Variants in PRKCA observed in about 807,000 individuals in gnomAD.
The protein encoded by PRKCA is protein kinase C alpha type.
PRKCA carries 27 observed loss-of-function variants against 87.0 expected under a neutral mutation model. That is an observed-to-expected ratio of 0.31 (90% CI 0.23 to 0.43). The LOEUF is 0.43. Ranked by LOEUF, PRKCA falls within the 20% of genes least tolerant of loss-of-function variation. PRKCA has a pLI of 1.00. For missense variants in PRKCA, 518 were observed against 852.3 expected (o/e 0.61, Z 4.88); for synonymous variants, 329 against 311.1 (o/e 1.06, Z -0.61).
chr17:66,749,601 C>A (rs1974384877), intron 13 of PRKCA, among the ~76,000 whole-genome samples: 1 of 152,192 alleles, frequency 6.6e-6, no homozygotes, highest in African/African-American at 2.4e-5. Context: ...CACCAAGCTC[C>A]ACCACGGGCA....
chr17:66,374,837 C>T (rs1209772943), intron 2 of PRKCA, among the ~76,000 whole-genome samples: 4 of 149,304 alleles, frequency 2.7e-5, no homozygotes, highest in Admixed American at 2.0e-4. Flanking sequence ...AAGCAGTTCT[C>T]ATGTGTCAGT....
chr17:66,560,489 C>T (rs747413360), intron 3 of PRKCA, among the ~76,000 whole-genome samples: 24 of 152,000 alleles, frequency 1.6e-4, no homozygotes, highest in African/African-American at 2.7e-4. Context: ...GGGGTTATTC[C>T]GAGTTGCGAA....
chr17:66,356,107 C>T (rs1908030877), intron 2 of PRKCA, among the ~76,000 whole-genome samples: 2 of 152,006 alleles, frequency 1.3e-5, no homozygotes. Context: ...CCATGTTGGC[C>T]AAGCTGGTCT....
chr17:66,783,098 C>T (rs1331965460), intron 14 of PRKCA, among the ~76,000 whole-genome samples: 1 of 152,184 alleles, frequency 6.6e-6, no homozygotes, highest in African/African-American at 2.4e-5. Context: ...CCCTCCCTGA[C>T]ATGTGGTGAC....
intron 2 of PRKCA, among the ~76,000 whole-genome samples, chr17:66,319,030 G>A (rs938190467): frequency 2.0e-5 from 3 of 152,010 alleles, no homozygotes; most frequent in African/African-American, 7.2e-5. Context: ...AGCTACTTTG[G>A]AAGTGGGAAG....
rs926052768 is a variant in PRKCA, at chr17:66,807,957, G to A, written c.*3920G>A. 3 of 152,304 alleles carry A rather than the reference G, an allele frequency of 2.0e-5. No individual in the cohort carries two copies. The highest frequency in any genetic ancestry group is 4.4e-5 in the Non-Finnish European group (3 of 68,124). 9.4% of individuals were successfully genotyped at this position (152,304 alleles called of 1,614,324 possible). A position where few individuals can be genotyped will look rare whatever the true frequency, so the allele number is the denominator to read the frequency against. ...CTTCCCATCGGAGGTGGTTGGTGCA[G>A]ATGGAAGTTTCTGTCTGCTGGCCCT... On this transcript the variant is annotated 3_prime_UTR_variant, in exon 17 of 17. Coordinates refer to ENST00000413366, the MANE Select transcript of PRKCA (RefSeq NM_002737.3). This position sits in a 1 kb window ranked among gnomAD's most constrained non-coding sequence, Gnocchi z 4.3.
intron 4 of PRKCA, among the ~76,000 whole-genome samples, chr17:66,642,818 G>A (rs549505720): frequency 1.3e-5 from 2 of 152,112 alleles, no homozygotes; most frequent in Non-Finnish European, 2.9e-5. Flanking sequence ...CGAGGCGGGA[G>A]GATCACCTGA....
intron 14 of PRKCA, chr17:66,777,316 T>G (rs1342189424): frequency 1.0e-6 from 1 of 985,192 alleles, no homozygotes; most frequent in Non-Finnish European, 1.2e-6. Flanking sequence ...GAAATGGTCT[T>G]GTAGACATTG....
intron 5 of PRKCA, among the ~76,000 whole-genome samples, chr17:66,679,220 A>G (rs1370470403): frequency 3.8e-5 from 5 of 131,496 alleles, no homozygotes; most frequent in African/African-American, 1.5e-4. Context: ...TTGCTCTGTC[A>G]CCCAGGCTGG....
At chr17:66,356,199 G>T (rs1267025615) in intron 2 of PRKCA, among the ~76,000 whole-genome samples, 1 of 152,120 alleles carries the variant, frequency 6.6e-6, no homozygotes, top group East Asian at 1.9e-4. Context: ...ACGCCCATCG[G>T]TGATTTTTTT....
intron 3 of PRKCA, among the ~76,000 whole-genome samples, chr17:66,525,507 G>A (rs544953930): frequency 1.3e-5 from 2 of 152,302 alleles, no homozygotes; most frequent in South Asian, 4.1e-4. Context: ...AGCTGTACAC[G>A]TGTTTTGTGG....
At chr17:66,661,979 A>G (rs1971918509) in intron 5 of PRKCA, among the ~76,000 whole-genome samples, 1 of 152,166 alleles carries the variant, frequency 6.6e-6, no homozygotes. Flanking sequence ...CTTTTCTTTC[A>G]CGAGGAATTC....
chr17:66,728,060 C>T (rs16960122), intron 8 of PRKCA, among the ~76,000 whole-genome samples: 11,536 of 152,256 alleles, frequency 0.076, 790 homozygotes, highest in African/African-American at 0.18. Context: ...CCTACCATAA[C>T]AGAGCTGCTT....
chr17:66,796,929 C>T, intron 16 of PRKCA: 1 of 985,394 alleles, frequency 1.0e-6, no homozygotes, highest in Non-Finnish European at 1.2e-6. Flanking sequence ...TCTCCATAGT[C>T]TTGCAACATC....
intron 3 of PRKCA, among the ~76,000 whole-genome samples, chr17:66,617,282 A>G (rs1259856089): frequency 2.0e-5 from 3 of 152,012 alleles, no homozygotes; most frequent in African/African-American, 7.3e-5. Context: ...TCATGTTTAT[A>G]ATCTAGTTTA....
In PRKCA at chr17:66,640,408, A is replaced by G. The variant is rs149000713; in HGVS notation, c.289-947A>G. On this transcript the variant is annotated intron_variant, in intron 3 of 16. Coordinates refer to ENST00000413366, the MANE Select transcript of PRKCA (RefSeq NM_002737.3). ...TGTCTGGTTGCACCTTTGGTGCTCT[A>G]TGTGGTATGCTAGAGAAGGTAATGA... Among the ~76,000 whole-genome samples, 13 of 152,334 alleles carry G rather than the reference A, an allele frequency of 8.5e-5. No homozygotes were observed. The East Asian group carries it at 2.3e-3, about 27-fold the overall frequency.
At chr17:66,404,374 A>T (rs1024561288) in intron 2 of PRKCA, among the ~76,000 whole-genome samples, 10 of 152,174 alleles carry the variant, frequency 6.6e-5, no homozygotes, top group Admixed American at 6.5e-4. Flanking sequence ...TGACTCCTTC[A>T]TGGGGGCGGC....
intron 3 of PRKCA, among the ~76,000 whole-genome samples, chr17:66,629,092 A>G: frequency 6.6e-6 from 1 of 152,168 alleles, no homozygotes; most frequent in East Asian, 1.9e-4. Context: ...TGCTTGGGAA[A>G]TATCTACTGG....
chr17:66,363,254 T>A (rs974790990), intron 2 of PRKCA, among the ~76,000 whole-genome samples: 17 of 152,222 alleles, frequency 1.1e-4, no homozygotes, highest in Admixed American at 2.6e-4. Flanking sequence ...TGTTTTATTG[T>A]TTTGTTATTT....
Sources: allele counts gnomAD v4.1 joint callset (sites outside exome capture counted in the v4.1 genomes callset), GRCh38; gene constraint gnomAD v4.1.1; non-coding constraint Gnocchi (gnomAD v3.1); transcripts MANE v1.5; gene names NCBI Gene and HGNC (gene_info 2026-07-23, HGNC 2026-07-21).